The following USP3 variants were observed in gnomAD, a reference collection of about 807,000 sequenced individuals.
USP3 encodes ubiquitin specific peptidase 3.
USP3 carries 20 observed loss-of-function variants against 72.3 expected under a neutral mutation model. The observed-to-expected ratio is 0.28, with a 90% CI of 0.19 to 0.40. USP3 has a LOEUF of 0.40. Ranked by LOEUF, USP3 falls within the 10% of genes least tolerant of loss-of-function variation. The pLI is 1.00. For synonymous variants in USP3, 222 were observed against 225.3 expected (o/e 0.99, Z 0.13); for missense variants, 479 against 633.9 (o/e 0.76, Z 2.62).
chr15:63,523,117 T>C (rs941634515), intron 1 of USP3, among the ~76,000 whole-genome samples: 3 of 152,220 alleles, frequency 2.0e-5, no homozygotes, highest in Non-Finnish European at 4.4e-5. Flanking sequence ...TACATCAATT[T>C]TGAAATAAGC....
At chr15:63,581,828 A>G (rs1390593882) in intron 11 of USP3, among the ~76,000 whole-genome samples, 3 of 152,042 alleles carry the variant, frequency 2.0e-5, no homozygotes, top group Admixed American at 2.0e-4. Flanking sequence ...CTGGGACTAC[A>G]GGCACATGCT....
chr15:63,512,510 A>G (rs2065804457), intron 1 of USP3, among the ~76,000 whole-genome samples: 1 of 148,770 alleles, frequency 6.7e-6, no homozygotes, highest in Non-Finnish European at 1.5e-5. Flanking sequence ...CAGTGGCACG[A>G]TCTCAGCTCA....
intron 3 of USP3, among the ~76,000 whole-genome samples, chr15:63,539,232 T>C (rs189884986): frequency 6.6e-6 from 1 of 152,296 alleles, no homozygotes; most frequent in East Asian, 1.9e-4. Flanking sequence ...GAAATTAATA[T>C]AATTCTTGAA....
chr15:63,574,019 AT>A lies in USP3; in HGVS notation c.909-23del. 1.3e-6 allele frequency: 2 copies of A among 1,489,754 alleles called. No homozygotes were observed. Among genetic ancestry groups the A allele is most frequent in the South Asian group, 2.8e-5 (2 of 70,396 alleles). The allele number at this position is 1,489,754 out of a possible 1,614,324, so 92.3% of individuals were successfully genotyped here. On this transcript the variant is annotated intron_variant, in intron 9 of 14. Transcript: ENST00000380324. This position sits in a 1 kb window ranked among gnomAD's most constrained non-coding sequence, Gnocchi z 4.6. ...CAAAGAGATGGCTTCTTACTGAGAT[AT>A]TTTCCTGTGTGGTGATTTTGTTTAG...
intron 1 of USP3, among the ~76,000 whole-genome samples, chr15:63,524,970 C>T (rs2065962711): frequency 6.6e-6 from 1 of 152,138 alleles, no homozygotes; most frequent in South Asian, 2.1e-4. Context: ...CTTTAATCTA[C>T]CACAAGGCCA....
At chr15:63,540,918 C>G (rs1200579364) in intron 3 of USP3, among the ~76,000 whole-genome samples, 1 of 152,140 alleles carries the variant, frequency 6.6e-6, no homozygotes, top group Non-Finnish European at 1.5e-5. Flanking sequence ...TTCATTTGCT[C>G]CCATCCCAAT....
At chr15:63,585,724 T>C (rs1478759363) in intron 11 of USP3, among the ~76,000 whole-genome samples, 2 of 152,140 alleles carry the variant, frequency 1.3e-5, no homozygotes, top group Admixed American at 6.5e-5. Flanking sequence ...TTTTTTCCTA[T>C]GTTATCTTCT....
At chr15:63,560,157 C>T (rs1396095910) in intron 7 of USP3, among the ~76,000 whole-genome samples, 187 bp downstream of exon 7, 3 of 152,222 alleles carry the variant, frequency 2.0e-5, no homozygotes, top group South Asian at 4.1e-4. Flanking sequence ...TGGTGGCTCA[C>T]GCCTGTTATC....
chr15:63,577,191 CTTATA>C (rs950051811), intron 11 of USP3, among the ~76,000 whole-genome samples: 3 of 152,192 alleles, frequency 2.0e-5, no homozygotes, highest in African/African-American at 7.2e-5. Flanking sequence ...TTTGATCTCA[CTTATA>C]TTATAGATCG....
At chr15:63,575,393 G>A (rs1475649205) in intron 11 of USP3, among the ~76,000 whole-genome samples, 2 of 152,100 alleles carry the variant, frequency 1.3e-5, no homozygotes, top group Non-Finnish European at 2.9e-5. Flanking sequence ...AGAAGGGCTA[G>A]GCTTCTCTGT....
chr15:63,578,393 A>C (rs2066899856), intron 11 of USP3, among the ~76,000 whole-genome samples: 1 of 151,960 alleles, frequency 6.6e-6, no homozygotes, highest in Non-Finnish European at 1.5e-5. Flanking sequence ...TCACGAGGTC[A>C]GGAGATAGAG....
At chr15:63,552,472 C>A (rs531977056) in intron 3 of USP3, among the ~76,000 whole-genome samples, 1 of 152,132 alleles carries the variant, frequency 6.6e-6, no homozygotes, top group South Asian at 2.1e-4. Flanking sequence ...AGAAAATGGT[C>A]CAGGATATAA....
In USP3 at chr15:63,591,909, G is replaced by GTTTTGTT. The variant is rs1241535927; in HGVS notation, c.*1089_*1095dup. ...GTTGGAGTAAGTAAGTGGAGTTTTC[G>GTTTTGTT]TTTTGTTTTTTGGGGGTTTTTGGAG... On this transcript the variant is annotated 3_prime_UTR_variant, in exon 15 of 15. Transcript: ENST00000380324. 6.6e-6 allele frequency: 1 copy of GTTTTGTT among 152,088 alleles called. No individual in the cohort carries two copies. Among genetic ancestry groups the GTTTTGTT allele is most frequent in the Non-Finnish European group, 1.5e-5 (1 of 68,066 alleles). The allele number at this position is 152,088 out of a possible 1,614,324, so 9.4% of individuals were successfully genotyped here. A position where few individuals can be genotyped will look rare whatever the true frequency, so the allele number is the denominator to read the frequency against.
In USP3 at chr15:63,553,219, G is replaced by A. The variant is rs757474401; in HGVS notation, c.285-496G>A. On this transcript the variant is annotated intron_variant, in intron 3 of 14. Coordinates refer to ENST00000380324, the MANE Select transcript of USP3 (RefSeq NM_006537.4). The surrounding 1 kb of genome is among the most constrained non-coding windows in gnomAD (Gnocchi z 4.2). ...ATTCAAGCTATTTTAATTAAATTAT[G>A]TTTAAAATGTGCAGCTTTAACTTTA... The A allele has an allele frequency of 6.6e-6, 1 of 152,216 alleles. No individual in the cohort carries two copies. The highest frequency in any genetic ancestry group is 1.5e-5 in the Non-Finnish European group (1 of 68,052). The allele number at this position is 152,216 out of a possible 1,614,324, so 9.4% of individuals were successfully genotyped here.
In USP3 at chr15:63,553,865, G is replaced by A. The variant is rs556700045; in HGVS notation, c.368+67G>A. 11 of 1,284,620 alleles carry A rather than the reference G, an allele frequency of 8.6e-6. No individual in the cohort carries two copies. The African/African-American group carries it at 1.7e-4, about 20-fold the overall frequency. The allele number at this position is 1,284,620 out of a possible 1,614,324, so 79.6% of individuals were successfully genotyped here. The stretch of plus-strand genomic sequence containing the variant: ...GGTTGAGGAGTCTTTTAGAATTTTT[G>A]AGTGGGGTTTTTGTTGATGAGTTTA... On this transcript the variant is annotated intron_variant, in intron 4 of 14. Transcript: ENST00000380324. This position sits in a 1 kb window ranked among gnomAD's most constrained non-coding sequence, Gnocchi z 4.2.
At position 63,588,642 on chromosome 15, in the gene USP3, A is replaced by G. The variant is rs931454626; in HGVS notation, c.1216-60A>G. On this transcript the variant is annotated intron_variant, in intron 12 of 14. Coordinates refer to ENST00000380324, the MANE Select transcript of USP3 (RefSeq NM_006537.4). The surrounding 1 kb of genome is among the most constrained non-coding windows in gnomAD (Gnocchi z 4.6). Reference sequence around the variant, plus strand: ...ATTTACTGAACTGATAGTAGTATCAAACTTTGACTGAAAGGTAAATTAGGT... The same window carrying G: ...ATTTACTGAACTGATAGTAGTATCAGACTTTGACTGAAAGGTAAATTAGGT... 1 of 1,317,502 alleles carries G rather than the reference A, an allele frequency of 7.6e-7. No individual in the cohort carries two copies. The highest frequency in any genetic ancestry group is 1.1e-6 in the Non-Finnish European group (1 of 924,472). The allele number at this position is 1,317,502 out of a possible 1,614,324, so 81.6% of individuals were successfully genotyped here.
rs2067114552 is a variant in USP3, at chr15:63,588,228, C to T, written c.1097-77C>T. The T allele has an allele frequency of 5.3e-6, 6 of 1,126,626 alleles. No homozygotes were observed. Among genetic ancestry groups the T allele is most frequent in the Non-Finnish European group, 7.6e-6 (6 of 794,388 alleles). The allele number at this position is 1,126,626 out of a possible 1,614,324, so 69.8% of individuals were successfully genotyped here. On this transcript the variant is annotated intron_variant, in intron 11 of 14. Coordinates refer to ENST00000380324, the MANE Select transcript of USP3 (RefSeq NM_006537.4). This position sits in a 1 kb window ranked among gnomAD's most constrained non-coding sequence, Gnocchi z 4.6. ...TAGCTAATAAAGCTGAGATTTTAAA[C>T]CTGGGTCTTTTTTCTACAGTACATT...
rs1262392427 is a variant in USP3, at chr15:63,555,519, G to C, written c.369-1148G>C. Among the ~76,000 whole-genome samples the C allele has an allele frequency of 3.3e-5, 5 of 152,178 alleles. No individual in the cohort carries two copies. The South Asian group carries it at 1.0e-3, about 31-fold the overall frequency. ...GAGTGAGTGGCTACTATATTAGATA[G>C]CATGGATCTAGAAGATTCTGCATTT... On this transcript the variant is annotated intron_variant, in intron 4 of 14. Transcript: ENST00000380324.
At chr15:63,506,424 G>A (rs2065714128) in intron 1 of USP3, among the ~76,000 whole-genome samples, 1 of 152,082 alleles carries the variant, frequency 6.6e-6, no homozygotes, top group Admixed American at 6.5e-5. Flanking sequence ...ACAGGGAATG[G>A]TGGGATTGCT....
Sources: gnomAD v4.1 joint callset for allele counts (sites outside exome capture counted in the v4.1 genomes callset) on GRCh38, gnomAD v4.1.1 for gene constraint, Gnocchi (gnomAD v3.1) non-coding constraint, MANE v1.5 for transcripts, NCBI Gene and HGNC (gene_info 2026-07-23, HGNC 2026-07-21) for gene names.